LYRM4: variants seen among roughly 807,000 people sequenced by gnomAD.
LYRM4 encodes LYR motif-containing protein 4.
In LYRM4, 9 loss-of-function variants were observed where a neutral mutation model predicts 11.7. The ratio of observed to expected loss-of-function variants is 0.77; its 90% confidence interval spans 0.46 to 1.34. The LOEUF is 1.34. Ranked by LOEUF, LYRM4 falls within the 40% of genes most tolerant of loss-of-function variation. The pLI is 0.00. For synonymous variants in LYRM4, 42 were observed against 40.4 expected (o/e 1.04, Z -0.15); for missense variants, 133 against 112.5 (o/e 1.18, Z -0.82).
chr6:5,085,552 C>G, the LYRM4 span: 1 of 1,541,516 alleles, frequency 6.5e-7, no homozygotes, highest in Non-Finnish European at 8.7e-7. Context: ...AGAGGCCCCG[C>G]CGGCCGAGGA....
At chr6:5,258,726 T>A (rs1764795998) in intron 1 of LYRM4, among the ~76,000 whole-genome samples, 1 of 152,222 alleles carries the variant, frequency 6.6e-6, no homozygotes, top group African/African-American at 2.4e-5. Context: ...GATAATATAT[T>A]TATATTTGGA....
At chr6:5,246,693 T>C (rs896334004) in intron 1 of LYRM4, among the ~76,000 whole-genome samples, 5 of 151,500 alleles carry the variant, frequency 3.3e-5, no homozygotes, top group Non-Finnish European at 5.9e-5. Context: ...TGCGGGGAAG[T>C]TGGGGCGAGG....
chr6:5,244,144 A>C (rs1764035239), intron 1 of LYRM4, among the ~76,000 whole-genome samples: 1 of 152,242 alleles, frequency 6.6e-6, no homozygotes, highest in Admixed American at 6.5e-5. Context: ...GTACCCATAC[A>C]ACCACTGTGT....
At chr6:5,095,212 A>G in the LYRM4 span, among the ~76,000 whole-genome samples, 3 of 152,192 alleles carry the variant, frequency 2.0e-5, no homozygotes, top group African/African-American at 7.2e-5. Flanking sequence ...CTAGTGGTAG[A>G]GCCCCTGGGT....
rs190356355 is a variant in LYRM4 at position 5,203,232 on chromosome 6, A to G, written c.207+13386T>C. On this transcript the variant is annotated intron_variant, in intron 2 of 2. Transcript: ENST00000330636. ...TGGGTATTACAGAAATCCAAGGAAA[A>G]TTTCACTGAAGCTCTGATTAGGCAT... Among the ~76,000 whole-genome samples the G allele has an allele frequency of 7.7e-4, 118 of 152,306 alleles. 1 individual carries two copies. Among genetic ancestry groups the G allele is most frequent in the African/African-American group, 2.7e-3 (111 of 41,564 alleles).
chr6:5,168,795 C>T lies in LYRM4; in HGVS notation c.207+47823G>A, dbSNP rs372525952. 3.5e-4 allele frequency among the ~76,000 whole-genome samples: 53 copies of T among 152,228 alleles called. 1 individual carries two copies. The highest frequency in any genetic ancestry group is 3.4e-3 in the Middle Eastern group (1 of 294). On this transcript the variant is annotated intron_variant, in intron 2 of 2. Coordinates refer to ENST00000330636, the MANE Select transcript of LYRM4 (RefSeq NM_020408.6). ...TACTGTGGTTATGTACGAGAACACG[C>T]TTCTTCTTAGGAGACGTATGTTGAA...
chr6:5,200,971 C>G (rs1210521527), intron 2 of LYRM4, among the ~76,000 whole-genome samples: 1 of 152,128 alleles, frequency 6.6e-6, no homozygotes, highest in Non-Finnish European at 1.5e-5. Context: ...GAATGAAATT[C>G]CAAGTGTACT....
At chr6:5,065,764 A>T in the LYRM4 span, 2 of 276,744 alleles carry the variant, frequency 7.2e-6, no homozygotes, top group South Asian at 1.7e-4. Context: ...CAAATAAATA[A>T]ACTGCTCCAC....
intron 2 of LYRM4, among the ~76,000 whole-genome samples, chr6:5,159,852 A>G (rs181988704): frequency 1.1e-4 from 16 of 152,314 alleles, no homozygotes; most frequent in Admixed American, 2.6e-4. Flanking sequence ...CCCTCTTGAC[A>G]CATGTGCACT....
intron 2 of LYRM4, among the ~76,000 whole-genome samples, chr6:5,146,480 A>G (rs1396665996): frequency 1.3e-5 from 2 of 152,144 alleles, no homozygotes; most frequent in Admixed American, 6.5e-5. Context: ...GAGAGCCAGG[A>G]TTTATACCCC....
At chr6:5,236,214 C>T (rs576182841) in intron 1 of LYRM4, 1 of 152,324 alleles carries the variant, frequency 6.6e-6, no homozygotes, top group African/African-American at 2.4e-5. Flanking sequence ...CCTGTAATCC[C>T]AGCACCTTGG....
At chr6:5,174,919 C>A (rs115368667) in intron 2 of LYRM4, among the ~76,000 whole-genome samples, 2,002 of 152,274 alleles carry the variant, frequency 0.013, 38 homozygotes, top group African/African-American at 0.044. Context: ...AAGTTCTGCT[C>A]CTCAGCCAAT....
the LYRM4 span, among the ~76,000 whole-genome samples, chr6:5,041,277 G>A: frequency 6.6e-6 from 1 of 152,188 alleles, no homozygotes; most frequent in Non-Finnish European, 1.5e-5. Context: ...GGCTATGTTT[G>A]TGATTGCTAA....
intron 2 of LYRM4, among the ~76,000 whole-genome samples, chr6:5,188,371 GA>G (rs71540852): frequency 1.2e-4 from 17 of 142,110 alleles, no homozygotes; most frequent in South Asian, 4.5e-4. Context: ...ACTCTCAAAA[GA>G]AAAAAAAAAG....
the LYRM4 span, among the ~76,000 whole-genome samples, chr6:5,052,130 C>T: frequency 1.3e-5 from 2 of 152,086 alleles, no homozygotes; most frequent in African/African-American, 4.8e-5. Flanking sequence ...GAAGGGAGTT[C>T]TTTAGGTTGA....
chr6:5,056,061 G>A, the LYRM4 span, among the ~76,000 whole-genome samples: 6 of 151,716 alleles, frequency 4.0e-5, no homozygotes, highest in African/African-American at 1.5e-4. Flanking sequence ...AAATGCAGTG[G>A]CTATTCAACA....
At chr6:5,143,620 A>G (rs768964757) in intron 2 of LYRM4, among the ~76,000 whole-genome samples, 2 of 152,208 alleles carry the variant, frequency 1.3e-5, no homozygotes, top group Admixed American at 1.3e-4. Context: ...ATCTCTCTCC[A>G]TCTTGTTTTC....
At chr6:5,122,703 G>T (rs1763513480) in intron 2 of LYRM4, among the ~76,000 whole-genome samples, 1 of 152,196 alleles carries the variant, frequency 6.6e-6, no homozygotes. Flanking sequence ...CATGGCTGGT[G>T]GCAGCTGTCC....
chr6:5,126,852 C>T (rs975973218), intron 2 of LYRM4, among the ~76,000 whole-genome samples: 5 of 152,060 alleles, frequency 3.3e-5, no homozygotes, highest in Non-Finnish European at 5.9e-5. Context: ...GGAGTGAGTG[C>T]GAATGAGTAC....
Sources: gnomAD v4.1 joint callset for allele counts (sites outside exome capture counted in the v4.1 genomes callset) on GRCh38, gnomAD v4.1.1 for gene constraint, MANE v1.5 for transcripts, NCBI Gene and HGNC (gene_info 2026-07-23, HGNC 2026-07-21) for gene names.